The following PCDHGA10 variants were observed in gnomAD, a reference collection of about 807,000 sequenced individuals.
The protein encoded by PCDHGA10 is protocadherin gamma subfamily A, 10, also known as protocadherin gamma-A10.
Under a neutral mutation model 59.5 loss-of-function variants are expected in PCDHGA10, and 42 were observed. The ratio of observed to expected loss-of-function variants is 0.71; its 90% CI spans 0.55 to 0.91. PCDHGA10 has a LOEUF of 0.91. PCDHGA10 is among the 40% of genes least tolerant of loss of function. The probability of loss-of-function intolerance (pLI) is 0.00; values close to 1 mark genes in which losing one functional copy is unlikely to be tolerated. For synonymous variants in PCDHGA10, 511 were observed against 517.2 expected (o/e 0.99, Z 0.16); for missense variants, 1,111 against 1,198.2 (o/e 0.93, Z 1.07).
rs748115530 is a variant in PCDHGA10 at position 141,489,429 on chromosome 5, G to C, written c.2437-5378G>C. 5 of 1,614,022 alleles carry C rather than the reference G, an allele frequency of 3.1e-6. No individual in the cohort carries two copies. The East Asian group carries it at 8.9e-5, about 29-fold the overall frequency. ...AGATGACAGATCTGTTGAGCCGGCG[G>C]CTGCAATTGGGCTCTGAGGAGAATG... On this transcript the variant is annotated intron_variant, in intron 1 of 3. Transcript: ENST00000398610. The surrounding 1 kb of genome is among the most constrained non-coding windows in gnomAD (Gnocchi z 4.5).
At chr5:141,498,793 T>C (rs2154592354) in intron 2 of PCDHGA10, among the ~76,000 whole-genome samples, 1 of 152,028 alleles carries the variant, frequency 6.6e-6, no homozygotes, top group Non-Finnish European at 1.5e-5. Context: ...ATTAGCCAGG[T>C]GTGGTGGTGC....
chr5:141,490,251 A>G lies in PCDHGA10; in HGVS notation c.2437-4556A>G, dbSNP rs1479384008. ...CCATGGAGGGCCACTGTGTGATTCA[A>G]GTGGATGTGGGGGATGTCAATGACA... is the stretch of plus-strand genomic sequence containing the variant. On this transcript the variant is annotated intron_variant, in intron 1 of 3. Coordinates refer to ENST00000398610, the MANE Select transcript of PCDHGA10 (RefSeq NM_018913.3). This position sits in a 1 kb window ranked among gnomAD's most constrained non-coding sequence, Gnocchi z 5.4. 6.2e-7 allele frequency: 1 copy of G among 1,614,210 alleles called. No homozygotes were observed. Among genetic ancestry groups the G allele is most frequent in the Non-Finnish European group, 8.5e-7 (1 of 1,180,036 alleles).
In PCDHGA10 at chr5:141,422,884, G is replaced by C. The variant is rs202035589; in HGVS notation, c.2436+7273G>C. On this transcript the variant is annotated intron_variant, in intron 1 of 3. Transcript: ENST00000398610. ...CAGCAACGTGTCGCTGAGCCTGTTC[G>C]TGCTGGACCAGAACGACAATGCGCC... The C allele has an allele frequency of 1.7e-4, 278 of 1,614,240 alleles. No homozygotes were observed. The African/African-American group carries it at 2.0e-3, about 12-fold the overall frequency.
intron 1 of PCDHGA10, chr5:141,423,333 C>T (rs761192305): frequency 3.1e-6 from 5 of 1,614,184 alleles, no homozygotes; most frequent in Non-Finnish European, 4.2e-6. Context: ...CCGCAGTCTC[C>T]TGCATCTTCC....
At chr5:141,483,064 A>G (rs1245942485) in intron 1 of PCDHGA10, among the ~76,000 whole-genome samples, 2 of 152,142 alleles carry the variant, frequency 1.3e-5, no homozygotes, top group Non-Finnish European at 2.9e-5. Context: ...CAGCATGGGC[A>G]ACAGAGAGAG....
intron 3 of PCDHGA10, among the ~76,000 whole-genome samples, chr5:141,508,937 G>T (rs764041162): frequency 3.0e-4 from 45 of 152,040 alleles, no homozygotes; most frequent in Non-Finnish European, 6.3e-4. Flanking sequence ...AGTTAATTAG[G>T]GAAAACAGAG....
chr5:141,475,486 T>G (rs576743657), intron 1 of PCDHGA10, among the ~76,000 whole-genome samples: 1 of 152,252 alleles, frequency 6.6e-6, no homozygotes, highest in Non-Finnish European at 1.5e-5. Flanking sequence ...TGGTAAGAGA[T>G]AAAACTGAAA....
At chr5:141,419,436 G>T (rs756968644) in intron 1 of PCDHGA10, 1 of 1,613,144 alleles carries the variant, frequency 6.2e-7, no homozygotes, top group East Asian at 2.2e-5. Context: ...GAGCAGCTGC[G>T]CACCTTCGAG....
At chr5:141,470,858 TTTTG>T (rs775688955) in intron 1 of PCDHGA10, among the ~76,000 whole-genome samples, 79 of 151,956 alleles carry the variant, frequency 5.2e-4, no homozygotes, top group Non-Finnish European at 3.5e-4. Context: ...CAGATAAGTT[TTTTG>T]TTTGTTTGTT....
intron 1 of PCDHGA10, chr5:141,416,286 T>C (rs1415036175): frequency 2.0e-5 from 3 of 152,304 alleles, no homozygotes; most frequent in Non-Finnish European, 4.4e-5. Context: ...AATTCTCTAA[T>C]TTCACACTGC....
In PCDHGA10 at chr5:141,413,592, A is replaced by G; in HGVS notation, c.417A>G (p.Ala139=). ...ATGACAATGCTCCAAAATTCCAAGC[A>G]GAAAATCTAGACGTAAAAATTAATG... ...DINDNAPKFQ[A]ENLDVKINEN... Residue 139 remains alanine (A), a synonymous_variant, in exon 1 of 4, where the codon GCA becomes GCG. Coordinates refer to ENST00000398610, the MANE Select transcript of PCDHGA10 (RefSeq NM_018913.3). 1 of 1,613,916 alleles carries G rather than the reference A, an allele frequency of 6.2e-7. No homozygotes were observed. Among genetic ancestry groups the G allele is most frequent in the Non-Finnish European group, 8.5e-7 (1 of 1,179,900 alleles).
At position 141,431,413 on chromosome 5, in the gene PCDHGA10, C is replaced by A; in HGVS notation, c.2436+15802C>A. ...TGGTCCTTACGGCCTCCGACGGGGG[C>A]GACCCGGTGCGCACAGGCACCGCGC... On this transcript the variant is annotated intron_variant, in intron 1 of 3. Transcript: ENST00000398610. This position sits in a 1 kb window ranked among gnomAD's most constrained non-coding sequence, Gnocchi z 4.8. The A allele has an allele frequency of 6.2e-7, 1 of 1,613,682 alleles. No homozygotes were observed. Among genetic ancestry groups the A allele is most frequent in the Non-Finnish European group, 8.5e-7 (1 of 1,180,044 alleles).
At position 141,413,330 on chromosome 5, in the gene PCDHGA10, T is replaced by C. The variant is rs770842309; in HGVS notation, c.155T>C (p.Ile52Thr). ...GAGAAAGGCTCTTTCGTGGGCAACA[T>C]CTCCAAGGACTTGGGTCTGGCGCCC... ...ELEKGSFVGN[I>T]SKDLGLAPRE... The change falls in exon 1 of 4, where the codon ATC (isoleucine) becomes ACC (threonine). Residue 52 changes from isoleucine to threonine, a missense_variant. Ile to Thr is a moderately conservative substitution (Grantham distance 89). Transcript: ENST00000398610. The C allele has an allele frequency of 6.2e-7, 1 of 1,613,930 alleles. No homozygotes were observed.
In PCDHGA10 at chr5:141,487,954, T is replaced by C. The variant is rs2099669751; in HGVS notation, c.2437-6853T>C. On this transcript the variant is annotated intron_variant, in intron 1 of 3. Transcript: ENST00000398610. The surrounding 1 kb of genome is among the most constrained non-coding windows in gnomAD (Gnocchi z 5.0). ...GGGTACAGTGCACCAGGCAGTCACTTGGACAAAGGTGGCTGTTTTCTCTAC... is the reference window on the plus strand; with the variant it reads ...GGGTACAGTGCACCAGGCAGTCACTCGGACAAAGGTGGCTGTTTTCTCTAC... Among the ~76,000 whole-genome samples the C allele has an allele frequency of 6.6e-6, 1 of 152,182 alleles. No homozygotes were observed. The highest frequency in any genetic ancestry group is 1.5e-5 in the Non-Finnish European group (1 of 68,020).
chr5:141,460,587 T>C (rs1461971599), intron 1 of PCDHGA10, among the ~76,000 whole-genome samples: 1 of 152,170 alleles, frequency 6.6e-6, no homozygotes, highest in Non-Finnish European at 1.5e-5. Flanking sequence ...TGTGGGTTTT[T>C]TCTGGGCTCT....
In PCDHGA10 at chr5:141,431,019, C is replaced by A. The variant is rs1368671750; in HGVS notation, c.2436+15408C>A. 1 of 1,613,488 alleles carries A rather than the reference C, an allele frequency of 6.2e-7. No individual in the cohort carries two copies. The highest frequency in any genetic ancestry group is 1.7e-5 in the Admixed American group (1 of 59,968). ...CCGCGCAGCGGCAGCTTGGTCACGG[C>A]GGGCAGGATAGACCGGGAGGAGCTC... On this transcript the variant is annotated intron_variant, in intron 1 of 3. Transcript: ENST00000398610. The surrounding 1 kb of genome is among the most constrained non-coding windows in gnomAD (Gnocchi z 4.8).
At chr5:141,449,264 C>CTG (rs2098633558) in intron 1 of PCDHGA10, among the ~76,000 whole-genome samples, 1 of 152,056 alleles carries the variant, frequency 6.6e-6, no homozygotes, top group African/African-American at 2.4e-5. Context: ...GTACAAAGAA[C>CTG]TGTATCTCCT....
chr5:141,474,180 A>G (rs763042503), intron 1 of PCDHGA10, among the ~76,000 whole-genome samples: 4 of 152,240 alleles, frequency 2.6e-5, no homozygotes, highest in Non-Finnish European at 4.4e-5. Context: ...TGAGAAAACT[A>G]CTTACATTTT....
chr5:141,503,136 A>G (rs1352550702), intron 2 of PCDHGA10, among the ~76,000 whole-genome samples: 5 of 151,846 alleles, frequency 3.3e-5, no homozygotes, highest in Admixed American at 2.0e-4. Context: ...GTAGCCCCTG[A>G]CACAGCCCAT....
Sources: allele counts gnomAD v4.1 joint callset (sites outside exome capture counted in the v4.1 genomes callset), GRCh38; gene constraint gnomAD v4.1.1; non-coding constraint Gnocchi (gnomAD v3.1); transcripts MANE v1.5; gene names NCBI Gene and HGNC (gene_info 2026-07-23, HGNC 2026-07-21).